SPOP: variants seen among roughly 807,000 people sequenced by gnomAD.
The protein encoded by SPOP is speckle-type POZ protein.
A neutral mutation model predicts 45.6 loss-of-function variants in SPOP; 11 were observed. The observed-to-expected ratio is 0.24, with a 90% confidence interval of 0.15 to 0.40. SPOP has a LOEUF of 0.40. Among genes scored for constraint, SPOP ranks in the 10% least tolerant of loss-of-function variants. SPOP has a pLI of 1.00. For missense variants in SPOP, 152 were observed against 465.6 expected (o/e 0.33, Z 6.20); for synonymous variants, 166 against 166.3 (o/e 1.00, Z 0.01).
intron 1 of SPOP, among the ~76,000 whole-genome samples, chr17:49,676,820 G>T (rs956136273): frequency 6.6e-6 from 1 of 152,172 alleles, no homozygotes; most frequent in Non-Finnish European, 1.5e-5. Context: ...CCAGGTCCTA[G>T]ATCACTGAAA....
intron 1 of SPOP, among the ~76,000 whole-genome samples, chr17:49,631,267 T>C (rs769781229): frequency 2.6e-5 from 4 of 152,180 alleles, no homozygotes; most frequent in Non-Finnish European, 4.4e-5. Context: ...ATACAGATAA[T>C]GTAATAATAT....
At chr17:49,661,343 T>C (rs1213277857) in intron 1 of SPOP, among the ~76,000 whole-genome samples, 1 of 152,100 alleles carries the variant, frequency 6.6e-6, no homozygotes, top group Admixed American at 6.5e-5. Context: ...TCAGCCATGC[T>C]ATGCTCTTCA....
chr17:49,669,005 T>C (rs1409245507), intron 1 of SPOP, among the ~76,000 whole-genome samples: 1 of 151,990 alleles, frequency 6.6e-6, no homozygotes, highest in Non-Finnish European at 1.5e-5. Flanking sequence ...ATCGATCTCC[T>C]GACCTCGTGA....
intron 1 of SPOP, among the ~76,000 whole-genome samples, chr17:49,641,902 A>G (rs2072659915): frequency 6.6e-6 from 1 of 151,794 alleles, no homozygotes; most frequent in African/African-American, 2.4e-5. Context: ...TGGCACCTGT[A>G]CTCCCAGCTA....
intron 1 of SPOP, among the ~76,000 whole-genome samples, chr17:49,635,458 A>ATACTACAAAGTATGTAGTACTACAAAG (rs1220742593): frequency 1.3e-5 from 2 of 152,188 alleles, no homozygotes; most frequent in African/African-American, 4.8e-5. Flanking sequence ...TAAAAATTTC[A>ATACTACAAAGTATGTAGTACTACAAAG]TACTACAAAG....
rs2143110857 is a variant in SPOP at position 49,601,995 on chromosome 17, G to A, written c.850C>T (p.Arg284Cys). 1.2e-6 allele frequency: 2 copies of A among 1,613,978 alleles called. No individual in the cohort carries two copies. Among genetic ancestry groups the A allele is most frequent in the Non-Finnish European group, 1.7e-6 (2 of 1,179,934 alleles). Residue 284 changes from arginine (R) to cysteine (C), a missense_variant, in exon 9 of 10, where the codon CGC (arginine) becomes TGC (cysteine). Around this residue, in one of 3 missense-constraint regions of SPOP, gnomAD observed 106 missense variants for 255.2 expected, o/e 0.42. Coordinates refer to ENST00000504102, the MANE Select transcript of SPOP (RefSeq NM_001007228.2). ...LAAADKYALERLKVMCEDALC... is the reference protein window; with the variant it reads ...LAAADKYALECLKVMCEDALC... ...GCATCCTCACACATGACCTTTAAGC[G>A]CTCCAGGGCATACTGTAAAACACAA... is the stretch of plus-strand genomic sequence containing the variant.
At chr17:49,645,203 A>G (rs1243599065) in intron 1 of SPOP, among the ~76,000 whole-genome samples, 2 of 152,228 alleles carry the variant, frequency 1.3e-5, no homozygotes, top group Non-Finnish European at 2.9e-5. Context: ...TATTTTTCCT[A>G]TAGCTGATGG....
intron 1 of SPOP, among the ~76,000 whole-genome samples, chr17:49,647,205 G>A (rs576710096): frequency 1.4e-4 from 21 of 151,420 alleles, no homozygotes; most frequent in Non-Finnish European, 1.3e-4. Context: ...CTGAGCGGGA[G>A]GCTGAGGCTG....
rs1266319904 is a variant in SPOP at position 49,633,492 on chromosome 17, G to A, written c.-66-10616C>T. ...CAGCCAGCTCAAAGGTTAAAATATG[G>A]AATAATTCTCACTTTGGATGCAACT... On this transcript the variant is annotated intron_variant, in intron 1 of 9. Coordinates refer to ENST00000504102, the MANE Select transcript of SPOP (RefSeq NM_001007228.2). Among the ~76,000 whole-genome samples, 3 of 151,966 alleles carry A rather than the reference G, an allele frequency of 2.0e-5. No individual in the cohort carries two copies. In the East Asian group the frequency reaches 5.8e-4, roughly 29 times the overall value.
chr17:49,641,039 G>GCAT (rs1222644049), intron 1 of SPOP, among the ~76,000 whole-genome samples: 3 of 151,952 alleles, frequency 2.0e-5, no homozygotes, highest in Non-Finnish European at 4.4e-5. Context: ...GAGGCGGGTG[G>GCAT]ATCACTTGAG....
intron 6 of SPOP, among the ~76,000 whole-genome samples, chr17:49,608,393 C>T (rs536858183): frequency 2.6e-5 from 4 of 152,260 alleles, no homozygotes; most frequent in South Asian, 2.1e-4. Flanking sequence ...CCAGATGAAG[C>T]GCATGCTCAC....
At chr17:49,656,997 C>T (rs1567798987) in intron 1 of SPOP, among the ~76,000 whole-genome samples, 1 of 151,900 alleles carries the variant, frequency 6.6e-6, no homozygotes, top group Non-Finnish European at 1.5e-5. Flanking sequence ...CTGGCTAACA[C>T]AGTGAAATCC....
chr17:49,613,250 A>G (rs2072013475), intron 5 of SPOP, among the ~76,000 whole-genome samples: 1 of 151,476 alleles, frequency 6.6e-6, no homozygotes, highest in East Asian at 1.9e-4. Context: ...GCCTGTTCTC[A>G]GTTATAGCTC....
At chr17:49,650,741 G>C (rs2072832649) in intron 1 of SPOP, among the ~76,000 whole-genome samples, 2 of 152,180 alleles carry the variant, frequency 1.3e-5, no homozygotes, top group Admixed American at 6.5e-5. Context: ...AATTTTTCCA[G>C]AGTAAAAGAC....
chr17:49,619,489 C>T lies in SPOP; in HGVS notation c.201-104G>A. 1.6e-6 allele frequency: 2 copies of T among 1,261,524 alleles called. No individual in the cohort carries two copies. The highest frequency in any genetic ancestry group is 2.2e-6 in the Non-Finnish European group (2 of 929,286). The allele number at this position is 1,261,524 out of a possible 1,614,324, so 78.1% of individuals were successfully genotyped here. On this transcript the variant is annotated intron_variant, in intron 3 of 9. Coordinates refer to ENST00000504102, the MANE Select transcript of SPOP (RefSeq NM_001007228.2). The surrounding 1 kb of genome is among the most constrained non-coding windows in gnomAD (Gnocchi z 4.9). ...GATGTTTAAAAAACAAATGCAGGCC[C>T]CATAGAAGAATATAATTCAGTAGAA...
intron 8 of SPOP, chr17:49,602,352 G>A: frequency 5.1e-6 from 1 of 194,936 alleles, no homozygotes; most frequent in Non-Finnish European, 1.1e-5. Flanking sequence ...TACAATTACA[G>A]TGAGGCATCA....
chr17:49,662,559 C>T (rs1319754411), intron 1 of SPOP, among the ~76,000 whole-genome samples: 4 of 151,772 alleles, frequency 2.6e-5, no homozygotes, highest in Non-Finnish European at 5.9e-5. Flanking sequence ...ACATGGCAGG[C>T]GCCTGTAATC....
At chr17:49,607,636 A>T (rs900708190) in intron 7 of SPOP, among the ~76,000 whole-genome samples, 1 of 152,164 alleles carries the variant, frequency 6.6e-6, no homozygotes, top group Non-Finnish European at 1.5e-5. Flanking sequence ...GTAAAAACAT[A>T]TATGTCTAAA....
intron 1 of SPOP, among the ~76,000 whole-genome samples, chr17:49,671,507 G>A (rs1181779274): frequency 2.6e-5 from 4 of 151,756 alleles, no homozygotes; most frequent in African/African-American, 9.7e-5. Flanking sequence ...AGCTTAAAGG[G>A]CTCCCACAGG....
Sources: allele counts gnomAD v4.1 joint callset (sites outside exome capture counted in the v4.1 genomes callset), GRCh38; gene constraint gnomAD v4.1.1; regional missense constraint gnomAD v4.1.1; non-coding constraint Gnocchi (gnomAD v3.1); transcripts MANE v1.5; gene names NCBI Gene and HGNC (gene_info 2026-07-23, HGNC 2026-07-21).